RAB3C: variants seen among roughly 807,000 people sequenced by gnomAD.
RAB3C encodes ras-related protein Rab-3C.
RAB3C carries 17 observed loss-of-function variants against 26.4 expected under a neutral mutation model. The ratio of observed to expected loss-of-function variants is 0.64; its 90% confidence interval spans 0.44 to 0.97. RAB3C has a LOEUF of 0.97. Ranked by LOEUF, RAB3C falls within the 50% of genes least tolerant of loss-of-function variation. The pLI is 0.00. For missense variants in RAB3C, 242 were observed against 281.9 expected (o/e 0.86, Z 1.01); for synonymous variants, 91 against 95.9 (o/e 0.95, Z 0.30).
chr5:58,680,081 G>A (rs1331498165), intron 2 of RAB3C, among the ~76,000 whole-genome samples: 3 of 152,110 alleles, frequency 2.0e-5, no homozygotes, highest in Admixed American at 2.0e-4. Context: ...GTTAATGAAT[G>A]GTAGTAAGGG....
At chr5:58,660,999 T>C (rs1005368805) in intron 2 of RAB3C, among the ~76,000 whole-genome samples, 2 of 149,800 alleles carry the variant, frequency 1.3e-5, no homozygotes, top group African/African-American at 5.1e-5. Context: ...CACAGAGAGG[T>C]ATGCAGACAA....
At chr5:58,806,754 C>A (rs995366349) in intron 3 of RAB3C, among the ~76,000 whole-genome samples, 1 of 152,124 alleles carries the variant, frequency 6.6e-6, no homozygotes, top group Non-Finnish European at 1.5e-5. Flanking sequence ...AAATCACCCC[C>A]ACTCAAGAAC....
At chr5:58,827,535 T>C (rs299915) in intron 4 of RAB3C, among the ~76,000 whole-genome samples, 41,197 of 152,068 alleles carry the variant, frequency 0.27, 5,955 homozygotes, top group Non-Finnish European at 0.32. Context: ...AATGCATCAA[T>C]AGGGTGACTT....
chr5:58,752,323 A>G (rs1236502468), intron 3 of RAB3C, among the ~76,000 whole-genome samples: 1 of 152,080 alleles, frequency 6.6e-6, no homozygotes, highest in African/African-American at 2.4e-5. Flanking sequence ...GCCCCTAATT[A>G]TATATAAGGG....
At chr5:58,625,881 C>T (rs1181140095) in intron 2 of RAB3C, among the ~76,000 whole-genome samples, 1 of 150,868 alleles carries the variant, frequency 6.6e-6, no homozygotes, top group Non-Finnish European at 1.5e-5. Flanking sequence ...AATTGGAATA[C>T]CATAGTTTTG....
chr5:58,756,379 C>T (rs985210233), intron 3 of RAB3C, among the ~76,000 whole-genome samples: 2 of 104,164 alleles, frequency 1.9e-5, no homozygotes, highest in Non-Finnish European at 3.9e-5. Flanking sequence ...TATATAACTA[C>T]TATATAACAT....
intron 2 of RAB3C, among the ~76,000 whole-genome samples, chr5:58,714,947 A>C (rs905207086): frequency 2.0e-5 from 3 of 152,060 alleles, no homozygotes; most frequent in African/African-American, 7.2e-5. Flanking sequence ...TCTTGATAAA[A>C]GGATTCTGAT....
At chr5:58,760,969 G>A (rs1356048007) in intron 3 of RAB3C, among the ~76,000 whole-genome samples, 3 of 151,980 alleles carry the variant, frequency 2.0e-5, no homozygotes, top group African/African-American at 7.3e-5. Flanking sequence ...CCCAAAGGAA[G>A]ACAATATTTG....
At chr5:58,796,984 T>TACACACACACACACAC (rs368267920) in intron 3 of RAB3C, among the ~76,000 whole-genome samples, 77 of 148,868 alleles carry the variant, frequency 5.2e-4, no homozygotes, top group African/African-American at 1.8e-3. Context: ...TCTGACCCAC[T>TACACACACACACACAC]ACACACACAC....
chr5:58,624,889 C>CA (rs760841290), intron 2 of RAB3C, among the ~76,000 whole-genome samples: 98 of 151,598 alleles, frequency 6.5e-4, no homozygotes, highest in African/African-American at 2.2e-3. Context: ...AAAAAACAAA[C>CA]AAAAAAAACC....
intron 4 of RAB3C, among the ~76,000 whole-genome samples, chr5:58,833,324 T>TCACACACACACACACACACACACACACA (rs571940681): frequency 7.1e-6 from 1 of 141,066 alleles, no homozygotes; most frequent in Admixed American, 7.2e-5. Context: ...ACGGACCCCA[T>TCACACACACACACACACACACACACACA]CACACACACA....
chr5:58,590,700 A>T (rs1746111069), intron 1 of RAB3C, among the ~76,000 whole-genome samples: 1 of 151,506 alleles, frequency 6.6e-6, no homozygotes, highest in South Asian at 2.1e-4. Flanking sequence ...CCACCACCAC[A>T]CCCAGCTAAT....
chr5:58,627,515 A>AAAAAAAAAAAACAAC (rs1325212744), intron 2 of RAB3C, among the ~76,000 whole-genome samples: 1 of 60,558 alleles, frequency 1.7e-5, no homozygotes, highest in Non-Finnish European at 3.3e-5. Context: ...AAAAAAAAAA[A>AAAAAAAAAAAACAAC]AAAACACAGC....
intron 3 of RAB3C, among the ~76,000 whole-genome samples, chr5:58,733,122 T>A (rs1422279819): frequency 2.0e-5 from 3 of 152,198 alleles, no homozygotes; most frequent in Non-Finnish European, 4.4e-5. Context: ...TCCTGCTGGA[T>A]TCTAACTTCC....
chr5:58,815,622 A>G (rs1194845195), intron 3 of RAB3C: 1 of 152,218 alleles, frequency 6.6e-6, no homozygotes, highest in African/African-American at 2.4e-5. Context: ...CTGGCATCAC[A>G]TAAGATGGTA....
chr5:58,801,264 C>T (rs1465732143), intron 3 of RAB3C, among the ~76,000 whole-genome samples: 1 of 152,212 alleles, frequency 6.6e-6, no homozygotes, highest in African/African-American at 2.4e-5. Context: ...ATTACCTCTA[C>T]AGTCCTGAGC....
chr5:58,811,264 G>A (rs1266141269), intron 3 of RAB3C, among the ~76,000 whole-genome samples: 2 of 152,124 alleles, frequency 1.3e-5, no homozygotes, highest in Non-Finnish European at 2.9e-5. Context: ...GGTTTCCTGA[G>A]GTCAGAGTTC....
intron 1 of RAB3C, among the ~76,000 whole-genome samples, chr5:58,606,447 T>TC (rs1746572861): frequency 6.6e-6 from 1 of 151,972 alleles, no homozygotes; most frequent in Non-Finnish European, 1.5e-5. Flanking sequence ...CTCTATAGAC[T>TC]CCCCCTCTGT....
At chr5:58,725,971 G>T in intron 2 of RAB3C, 31 bp from the exon 3 acceptor site, 1 of 1,303,184 alleles carries the variant, frequency 7.7e-7, no homozygotes, top group South Asian at 1.4e-5. Flanking sequence ...CCTTATTTCT[G>T]AGAGATTATC....
Sources: allele counts gnomAD v4.1 joint callset (sites outside exome capture counted in the v4.1 genomes callset), GRCh38; gene constraint gnomAD v4.1.1; transcripts MANE v1.5; gene names NCBI Gene and HGNC (gene_info 2026-07-23, HGNC 2026-07-21).